Variants in OR51C1 observed in about 807,000 individuals in gnomAD.
OR51C1 encodes olfactory receptor family 51 subfamily C member 1, also known as olfactory receptor OR51C1.
chr11:4,691,009 A>T, the OR51C1 span: 4 of 455,612 alleles, frequency 8.8e-6, no homozygotes, highest in African/African-American at 8.0e-5. Flanking sequence ...TCTTCTGGGG[A>T]AGCAACGCTA....
At chr11:4,694,987 C>T in the OR51C1 span, among the ~76,000 whole-genome samples, 2 of 151,990 alleles carry the variant, frequency 1.3e-5, no homozygotes, top group Non-Finnish European at 2.9e-5. Flanking sequence ...TGAGGAGAGA[C>T]ATGAATGAAA....
chr11:4,694,474 A>T, the OR51C1 span, among the ~76,000 whole-genome samples: 2 of 150,290 alleles, frequency 1.3e-5, no homozygotes, highest in African/African-American at 4.9e-5. Context: ...ACTAAACTAT[A>T]CATATATATA....
At chr11:4,693,671 G>T in the OR51C1 span, among the ~76,000 whole-genome samples, 2 of 152,116 alleles carry the variant, frequency 1.3e-5, no homozygotes, top group Non-Finnish European at 2.9e-5. Flanking sequence ...CAGGTGAACC[G>T]AGATGGCGCC....
the OR51C1 span, chr11:4,691,154 G>A: frequency 4.4e-6 from 2 of 456,744 alleles, no homozygotes; most frequent in Non-Finnish European, 8.8e-6. Flanking sequence ...TCACATCAGG[G>A]TGGTAGCAGT....
the OR51C1 span, among the ~76,000 whole-genome samples, chr11:4,693,679 G>A: frequency 6.6e-6 from 1 of 152,078 alleles, no homozygotes; most frequent in African/African-American, 2.4e-5. Context: ...CCGAGATGGC[G>A]CCATTGCACT....
chr11:4,695,579 C>T, the OR51C1 span, among the ~76,000 whole-genome samples: 1 of 152,174 alleles, frequency 6.6e-6, no homozygotes, highest in African/African-American at 2.4e-5. Context: ...CCTTCACCTT[C>T]AGTAACAATC....
the OR51C1 span, chr11:4,691,723 C>T: frequency 6.4e-4 from 226 of 350,720 alleles, 2 homozygotes; most frequent in Admixed American, 2.7e-3. Flanking sequence ...AAGTACAGAA[C>T]GAGATGAGAG....
the OR51C1 span, among the ~76,000 whole-genome samples, chr11:4,696,489 G>T: frequency 3.3e-5 from 5 of 152,100 alleles, no homozygotes; most frequent in Non-Finnish European, 7.4e-5. Context: ...ATATAAGAAG[G>T]CCAAGCAATT....
At chr11:4,696,576 A>C in the OR51C1 span, among the ~76,000 whole-genome samples, 1 of 152,168 alleles carries the variant, frequency 6.6e-6, no homozygotes, top group East Asian at 1.9e-4. Flanking sequence ...TTTATATTCA[A>C]GACAAGAGGG....
the OR51C1 span, chr11:4,697,619 A>ATGCTTG: frequency 6.5e-6 from 1 of 152,672 alleles, no homozygotes; most frequent in Non-Finnish European, 1.5e-5. Context: ...ATCTAGAGTC[A>ATGCTTG]AGCATTTTCA....
the OR51C1 span, among the ~76,000 whole-genome samples, chr11:4,693,717 G>A: frequency 6.6e-6 from 1 of 152,104 alleles, no homozygotes; most frequent in East Asian, 1.9e-4. Context: ...GCGAGACTCC[G>A]TTTCAAAAAA....
chr11:4,696,876 G>A, the OR51C1 span, among the ~76,000 whole-genome samples: 3 of 152,128 alleles, frequency 2.0e-5, no homozygotes, highest in Non-Finnish European at 2.9e-5. Context: ...CAATGGTATG[G>A]CTATCATGTG....
chr11:4,694,575 TACACACAC>T, the OR51C1 span, among the ~76,000 whole-genome samples: 3 of 147,868 alleles, frequency 2.0e-5, no homozygotes, highest in East Asian at 2.0e-4. Flanking sequence ...CATATATATA[TACACACAC>T]ACACACACAC....
chr11:4,692,314 C>G, the OR51C1 span: 1 of 297,852 alleles, frequency 3.4e-6, no homozygotes, highest in Non-Finnish European at 6.8e-6. Context: ...ATATGATACC[C>G]GGCATCATAT....
the OR51C1 span, chr11:4,692,095 T>C: frequency 2.3e-6 from 1 of 431,412 alleles, no homozygotes; most frequent in Admixed American, 2.8e-5. Context: ...TAGTGCATTA[T>C]TTTTCCTCTA....
At chr11:4,691,462 C>T in the OR51C1 span, 1 of 456,466 alleles carries the variant, frequency 2.2e-6, no homozygotes, top group South Asian at 1.6e-5. Context: ...AGCATGGTGA[C>T]CAGAGTGGAT....
At chr11:4,691,677 G>T in the OR51C1 span, 1 of 387,742 alleles carries the variant, frequency 2.6e-6, no homozygotes, top group Non-Finnish European at 5.1e-6. Context: ...GATGGAAGTG[G>T]AGGTGATATT....
chr11:4,697,379 A>G, the OR51C1 span, among the ~76,000 whole-genome samples: 1 of 152,232 alleles, frequency 6.6e-6, no homozygotes, highest in African/African-American at 2.4e-5. Flanking sequence ...TGGGCATAGA[A>G]ATGAGATTCA....
chr11:4,695,200 C>G, the OR51C1 span, among the ~76,000 whole-genome samples: 1 of 152,112 alleles, frequency 6.6e-6, no homozygotes, highest in Admixed American at 6.5e-5. Context: ...TTTTATTCAC[C>G]TTTTATTGAC....
Sources: gnomAD v4.1 joint callset for allele counts (sites outside exome capture counted in the v4.1 genomes callset) on GRCh38, gnomAD v4.1.1 for gene constraint, MANE v1.5 for transcripts, NCBI Gene and HGNC (gene_info 2026-07-23, HGNC 2026-07-21) for gene names.